The following SLC24A3 variants were observed in gnomAD, a reference collection of about 807,000 sequenced individuals.
SLC24A3 encodes sodium/potassium/calcium exchanger 3.
In SLC24A3, 28 loss-of-function variants were observed where a neutral mutation model predicts 75.8. That is an observed-to-expected ratio of 0.37 (90% CI 0.27 to 0.51). The LOEUF (loss-of-function observed/expected upper bound fraction) is 0.51, where lower values mean the gene tolerates loss of function less well. Among genes scored for constraint, SLC24A3 ranks in the 20% least tolerant of loss-of-function variants. The pLI is 0.94. For missense variants in SLC24A3, 663 were observed against 847.8 expected, an observed-to-expected ratio of 0.78 and a Z score of 2.71; for synonymous variants, 372 against 334.1, an observed-to-expected ratio of 1.11 and a Z score of -1.24.
chr20:19,399,290 C>T (rs1986510657), intron 2 of SLC24A3, among the ~76,000 whole-genome samples: 1 of 151,920 alleles, frequency 6.6e-6, no homozygotes, highest in Non-Finnish European at 1.5e-5. Flanking sequence ...CTATCTTCTA[C>T]TTCCTTTGAG....
chr20:19,508,812 C>T (rs1988496704), intron 2 of SLC24A3, among the ~76,000 whole-genome samples: 1 of 152,264 alleles, frequency 6.6e-6, no homozygotes, highest in Non-Finnish European at 1.5e-5. Context: ...TGAGGCTGCT[C>T]CGTTCTCCCT....
intron 2 of SLC24A3, among the ~76,000 whole-genome samples, chr20:19,348,222 GC>G (rs1400943897): frequency 6.6e-6 from 1 of 152,170 alleles, no homozygotes; most frequent in Non-Finnish European, 1.5e-5. Context: ...TTATGGGCTG[GC>G]AAAAGGCGTT....
chr20:19,426,624 G>A (rs1413570914), intron 2 of SLC24A3, among the ~76,000 whole-genome samples: 5 of 152,248 alleles, frequency 3.3e-5, no homozygotes, highest in Non-Finnish European at 5.9e-5. Context: ...ATGTATTTTC[G>A]AGGTAAACTC....
chr20:19,231,447 T>C (rs570045559), intron 1 of SLC24A3, among the ~76,000 whole-genome samples: 137 of 152,178 alleles, frequency 9.0e-4, no homozygotes, highest in African/African-American at 3.2e-3. Flanking sequence ...ATGGTTCTTG[T>C]AAAACAGGGA....
intron 2 of SLC24A3, among the ~76,000 whole-genome samples, chr20:19,496,696 G>A (rs1036196100): frequency 6.6e-6 from 1 of 152,168 alleles, no homozygotes; most frequent in Non-Finnish European, 1.5e-5. Flanking sequence ...AAGGTAGGAG[G>A]TCAAGAAGGG....
At chr20:19,421,722 G>A (rs899830216) in intron 2 of SLC24A3, among the ~76,000 whole-genome samples, 4 of 152,304 alleles carry the variant, frequency 2.6e-5, no homozygotes, top group African/African-American at 9.6e-5. Flanking sequence ...AAAAGTGGGG[G>A]GACAGAGACT....
At chr20:19,461,403 A>G (rs1987668602) in intron 2 of SLC24A3, among the ~76,000 whole-genome samples, 1 of 152,124 alleles carries the variant, frequency 6.6e-6, no homozygotes. Context: ...ATACATATAC[A>G]CATACATGTA....
chr20:19,444,093 A>G (rs1479841483), intron 2 of SLC24A3, among the ~76,000 whole-genome samples: 1 of 152,178 alleles, frequency 6.6e-6, no homozygotes, highest in Non-Finnish European at 1.5e-5. Flanking sequence ...TGATAAGTTT[A>G]TATGATTTTT....
At chr20:19,545,047 T>C (rs750947677) in intron 3 of SLC24A3, among the ~76,000 whole-genome samples, 13 of 152,224 alleles carry the variant, frequency 8.5e-5, no homozygotes, top group Non-Finnish European at 1.6e-4. Flanking sequence ...AAAGATTTAG[T>C]AGAAGATAGA....
intron 2 of SLC24A3, among the ~76,000 whole-genome samples, chr20:19,409,222 A>G (rs2122417657): frequency 6.6e-6 from 1 of 152,246 alleles, no homozygotes; most frequent in East Asian, 1.9e-4. Context: ...ACCAGGGAGA[A>G]GGAGGAGCCC....
At chr20:19,219,218 C>T (rs1981643447) in intron 1 of SLC24A3, among the ~76,000 whole-genome samples, 1 of 152,126 alleles carries the variant, frequency 6.6e-6, no homozygotes, top group African/African-American at 2.4e-5. Context: ...AGAGGCAATG[C>T]TCCTTGCTGT....
intron 6 of SLC24A3, among the ~76,000 whole-genome samples, chr20:19,595,487 T>G (rs1476359974): frequency 6.6e-6 from 1 of 152,166 alleles, no homozygotes; most frequent in Admixed American, 6.5e-5. Flanking sequence ...GTCAGATGGA[T>G]GCATGGATGA....
At chr20:19,499,258 T>C (rs557139687) in intron 2 of SLC24A3, among the ~76,000 whole-genome samples, 50 of 152,354 alleles carry the variant, frequency 3.3e-4, no homozygotes, top group African/African-American at 1.2e-3. Context: ...ACTATCTTAG[T>C]TCTGGCAGCT....
At chr20:19,708,347 G>T (rs1211330962) in intron 15 of SLC24A3, among the ~76,000 whole-genome samples, 1 of 152,138 alleles carries the variant, frequency 6.6e-6, no homozygotes, top group Non-Finnish European at 1.5e-5. Context: ...CTAGCAGAGG[G>T]CTTTCTGTGG....
intron 2 of SLC24A3, among the ~76,000 whole-genome samples, chr20:19,404,476 G>T (rs929624687): frequency 5.9e-5 from 9 of 152,330 alleles, no homozygotes; most frequent in Middle Eastern, 3.4e-3. Context: ...GGCTTGCAAA[G>T]GAATTACCAG....
At chr20:19,384,200 C>G (rs1986231273) in intron 2 of SLC24A3, among the ~76,000 whole-genome samples, 1 of 152,150 alleles carries the variant, frequency 6.6e-6, no homozygotes, top group Non-Finnish European at 1.5e-5. Flanking sequence ...TATTTAACAG[C>G]TACTCTCTTA....
intron 12 of SLC24A3, among the ~76,000 whole-genome samples, chr20:19,689,506 T>C (rs2032721263): frequency 6.6e-6 from 1 of 152,124 alleles, no homozygotes; most frequent in Admixed American, 6.6e-5. Context: ...TCAGGGAAGT[T>C]TTTTCTCTTA....
chr20:19,640,394 T>G (rs370535473), intron 6 of SLC24A3, among the ~76,000 whole-genome samples: 1 of 152,180 alleles, frequency 6.6e-6, no homozygotes, highest in African/African-American at 2.4e-5. Context: ...GGCCAGAGAT[T>G]TTTTTACTTT....
chr20:19,651,502 T>C (rs954228108), intron 6 of SLC24A3, among the ~76,000 whole-genome samples: 3 of 151,614 alleles, frequency 2.0e-5, no homozygotes, highest in African/African-American at 4.8e-5. Context: ...TCTGCTTTGA[T>C]GTATGTCTTG....
Sources: gnomAD v4.1 joint callset for allele counts (sites outside exome capture counted in the v4.1 genomes callset) on GRCh38, gnomAD v4.1.1 for gene constraint, MANE v1.5 for transcripts, NCBI Gene and HGNC (gene_info 2026-07-23, HGNC 2026-07-21) for gene names.